Variants in AMMECR1L observed in about 807,000 individuals in gnomAD.
AMMECR1L encodes the protein AMMECR1-like protein.
A neutral mutation model predicts 36.8 loss-of-function variants in AMMECR1L; 4 were observed. The observed-to-expected ratio is 0.11, with a 90% confidence interval of 0.05 to 0.25. The LOEUF (loss-of-function observed/expected upper bound fraction) is 0.25, where lower values mean the gene tolerates loss of function less well. Among genes scored for constraint, AMMECR1L ranks in the 10% least tolerant of loss-of-function variants. The pLI is 1.00. For missense variants in AMMECR1L, 232 were observed against 392.1 expected, an observed-to-expected ratio of 0.59 and a Z score of 3.45; for synonymous variants, 147 against 148.0, an observed-to-expected ratio of 0.99 and a Z score of 0.05.
At chr2:127,883,455 C>A (rs1691612122) in intron 2 of AMMECR1L, among the ~76,000 whole-genome samples, 1 of 152,088 alleles carries the variant, frequency 6.6e-6, no homozygotes, top group African/African-American at 2.4e-5. Context: ...GGAGTCAAAA[C>A]TCTTTTCACC....
At chr2:127,883,093 A>G (rs1046441727) in intron 2 of AMMECR1L, among the ~76,000 whole-genome samples, 1 of 134,084 alleles carries the variant, frequency 7.5e-6, no homozygotes, top group Non-Finnish European at 1.5e-5. Context: ...AAGAACTGCA[A>G]ATTTCTTTTC....
intron 2 of AMMECR1L, among the ~76,000 whole-genome samples, chr2:127,876,992 G>A (rs1025721909): frequency 6.0e-5 from 9 of 149,674 alleles, no homozygotes; most frequent in Admixed American, 4.0e-4. Flanking sequence ...ACTCCAGCCT[G>A]GGCAATAAGA....
intron 2 of AMMECR1L, among the ~76,000 whole-genome samples, chr2:127,880,059 T>TA (rs1244610160): frequency 6.6e-6 from 1 of 152,098 alleles, no homozygotes; most frequent in Admixed American, 6.5e-5. Flanking sequence ...TCCCTACACT[T>TA]AGAGAGGCAG....
At position 127,869,479 on chromosome 2, in the gene AMMECR1L, A is replaced by G. The variant is rs1242387174; in HGVS notation, c.699T>C (p.Tyr233=). The part of the protein sequence containing the change: ...NEKGVKRTAT[Y]LPEVAKEQDW... Reference sequence around the variant, plus strand: ...CTTGTTCCTTAGCAACCTCAGGTAAATATGTGGCTGTGCGTTTGACACCTT... The same window carrying G: ...CTTGTTCCTTAGCAACCTCAGGTAAGTATGTGGCTGTGCGTTTGACACCTT... The change falls in exon 6 of 8, where the codon TAT becomes TAC. Residue 233 remains tyrosine (Y), a synonymous_variant. Transcript: ENST00000272647. This position sits in a 1 kb window ranked among gnomAD's most constrained non-coding sequence, Gnocchi z 4.7. The G allele has an allele frequency of 2.5e-6, 4 of 1,613,926 alleles. No individual in the cohort carries two copies. The highest frequency in any genetic ancestry group is 4.5e-5 in the East Asian group (2 of 44,886).
intron 4 of AMMECR1L, 44 bp from the exon 5 acceptor site, chr2:127,870,972 G>A: frequency 6.8e-7 from 1 of 1,468,364 alleles, no homozygotes; most frequent in Non-Finnish European, 9.4e-7. Context: ...TCTGGAGTCA[G>A]GAGCCAATAT....
In AMMECR1L at chr2:127,867,796, AAAGG is replaced by A. The variant is rs368174899; in HGVS notation, c.725-804_725-801del. Among the ~76,000 whole-genome samples the A allele has an allele frequency of 6.8e-4, 103 of 152,114 alleles. 2 individuals are homozygous for A. The highest frequency in any genetic ancestry group is 2.1e-3 in the African/African-American group (87 of 41,502). The stretch of plus-strand genomic sequence containing the variant: ...AGGAAGAGGAAGAGGAAGAGGAAGG[AAAGG>A]AAGGAAGGAAGGAAGGAGCTGTTCC... On this transcript the variant is annotated intron_variant, in intron 6 of 7. Transcript: ENST00000272647.
At chr2:127,867,096 G>A in intron 6 of AMMECR1L, 100 bp from the exon 7 acceptor site, 1 of 1,553,750 alleles carries the variant, frequency 6.4e-7, no homozygotes, top group Non-Finnish European at 8.7e-7. Context: ...TCGAGAAGCA[G>A]CCGAGTCTGC....
At position 127,885,282 on chromosome 2, in the gene AMMECR1L, G is replaced by C. The variant is rs961037607; in HGVS notation, c.-149+528C>G. ...GGGGAAAAGCGGGCCGAGGGACAGG[G>C]TGAAAGGTGAGAAACGAGGGTATGA... On this transcript the variant is annotated intron_variant, in intron 1 of 7. Transcript: ENST00000272647. 32 of 984,304 alleles carry C rather than the reference G, an allele frequency of 3.3e-5. No individual in the cohort carries two copies. The African/African-American group carries it at 4.9e-4, about 15-fold the overall frequency. The allele number at this position is 984,304 out of a possible 1,614,324, so 61.0% of individuals were successfully genotyped here. A position where few individuals can be genotyped will look rare whatever the true frequency, so the allele number is the denominator to read the frequency against.
At chr2:127,866,621 C>CT (rs1690695013) in intron 7 of AMMECR1L, among the ~76,000 whole-genome samples, 1 of 152,236 alleles carries the variant, frequency 6.6e-6, no homozygotes, top group Admixed American at 6.5e-5. Flanking sequence ...CAGTCTCCCC[C>CT]TCAGCCTCCC....
rs1690559773 is a variant in AMMECR1L, at chr2:127,863,655, C to CTA, written c.*1437_*1438dup. ...ACACCCAATCCACTTCATGAGTTCT[C>CTA]TAAGCATGTTGTTGAAAACCAGTGT... On this transcript the variant is annotated 3_prime_UTR_variant, in exon 8 of 8. Transcript: ENST00000272647. The CTA allele has an allele frequency of 6.5e-6, 1 of 152,696 alleles. No individual in the cohort carries two copies. Among genetic ancestry groups the CTA allele is most frequent in the Non-Finnish European group, 1.5e-5 (1 of 68,048 alleles). 9.5% of individuals were successfully genotyped at this position (152,696 alleles called of 1,614,324 possible).
intron 3 of AMMECR1L, among the ~76,000 whole-genome samples, chr2:127,872,353 C>A (rs72838411): frequency 0.23 from 35,309 of 151,840 alleles, 5,261 homozygotes; most frequent in South Asian, 0.48. Flanking sequence ...AGCCAAGGAA[C>A]CTTTTTATTA....
Position 127,871,501 on chromosome 2 carries a change from C to T in AMMECR1L, c.408-142G>A. On this transcript the variant is annotated intron_variant, in intron 3 of 7. Transcript: ENST00000272647. This position sits in a 1 kb window ranked among gnomAD's most constrained non-coding sequence, Gnocchi z 4.3. ...ACTTGCCAGCTACCCGAAGGACTCT[C>T]TGCCTTTCTGAAAACGGCACAGCCC... 1 of 788,656 alleles carries T rather than the reference C, an allele frequency of 1.3e-6. No homozygotes were observed. The highest frequency in any genetic ancestry group is 2.0e-6 in the Non-Finnish European group (1 of 497,160). The allele number at this position is 788,656 out of a possible 1,614,324, so 48.9% of individuals were successfully genotyped here.
At chr2:127,868,781 A>G (rs1808801) in intron 6 of AMMECR1L, among the ~76,000 whole-genome samples, 13,520 of 151,736 alleles carry the variant, frequency 0.089, 1,625 homozygotes, top group African/African-American at 0.26. Context: ...CTGGAGTGTA[A>G]TGGCACGATC....
chr2:127,878,839 T>C (rs1691363679), intron 2 of AMMECR1L, among the ~76,000 whole-genome samples: 1 of 152,244 alleles, frequency 6.6e-6, no homozygotes. Context: ...AGTTGAGTTT[T>C]AGTGACCAAA....
intron 2 of AMMECR1L, among the ~76,000 whole-genome samples, chr2:127,875,422 C>T (rs755178017): frequency 5.3e-5 from 8 of 152,016 alleles, no homozygotes; most frequent in Non-Finnish European, 1.0e-4. Flanking sequence ...GAGAGATTTG[C>T]GCTGTCCTAC....
intron 6 of AMMECR1L, among the ~76,000 whole-genome samples, chr2:127,868,295 TATTTAC>T (rs1690790755): frequency 1.3e-5 from 2 of 152,232 alleles, no homozygotes; most frequent in South Asian, 2.1e-4. Flanking sequence ...GTAATTTAAT[TATTTAC>T]TTAAGTTATT....
chr2:127,868,678 CG>C (rs1417559664), intron 6 of AMMECR1L, among the ~76,000 whole-genome samples: 2 of 151,956 alleles, frequency 1.3e-5, no homozygotes, highest in Non-Finnish European at 2.9e-5. Flanking sequence ...AAAATCTGCT[CG>C]ATCCACCCTA....
At chr2:127,885,521 C>T (rs968028117) in intron 1 of AMMECR1L, 2 of 984,402 alleles carry the variant, frequency 2.0e-6, no homozygotes, top group Non-Finnish European at 2.4e-6. Context: ...AGACAAGGAC[C>T]AGGAGCGGGA....
chr2:127,878,880 T>C (rs927550386), intron 2 of AMMECR1L, among the ~76,000 whole-genome samples: 11 of 152,192 alleles, frequency 7.2e-5, no homozygotes, highest in African/African-American at 2.4e-4. Flanking sequence ...GCATCAAAAA[T>C]ATATTAGAAG....
Sources: allele counts gnomAD v4.1 joint callset (sites outside exome capture counted in the v4.1 genomes callset), GRCh38; gene constraint gnomAD v4.1.1; non-coding constraint Gnocchi (gnomAD v3.1); transcripts MANE v1.5; gene names NCBI Gene and HGNC (gene_info 2026-07-23, HGNC 2026-07-21).